Variants in SORBS2 observed in about 807,000 individuals in gnomAD.
The protein encoded by SORBS2 is sorbin and SH3 domain containing 2, also known as sorbin and SH3 domain-containing protein 2.
In SORBS2, 46 loss-of-function variants were observed where a neutral mutation model predicts 97.7. That is an observed-to-expected ratio of 0.47 (90% CI 0.37 to 0.60). The LOEUF (loss-of-function observed/expected upper bound fraction) is 0.60, where lower values mean the gene tolerates loss of function less well. Ranked by LOEUF, SORBS2 falls within the 20% of genes least tolerant of loss-of-function variation. The pLI, the probability that SORBS2 is intolerant of heterozygous loss-of-function variation, is 0.00. For missense variants in SORBS2, 1,316 were observed against 1,282.3 expected (o/e 1.03, Z -0.40); for synonymous variants, 476 against 473.4 (o/e 1.01, Z -0.07).
chr4:185,729,961 C>CT (rs371827172), intron 2 of SORBS2, among the ~76,000 whole-genome samples: 2 of 150,786 alleles, frequency 1.3e-5, no homozygotes, highest in Non-Finnish European at 3.0e-5. Flanking sequence ...TTTCTTTTTT[C>CT]TTTTTTTTTG....
At chr4:185,602,583 T>C (rs987185105) in intron 12 of SORBS2, among the ~76,000 whole-genome samples, 1 of 152,222 alleles carries the variant, frequency 6.6e-6, no homozygotes, top group Non-Finnish European at 1.5e-5. Context: ...ATGGGGTTGA[T>C]AAAAATGTTA....
intron 1 of SORBS2, among the ~76,000 whole-genome samples, chr4:185,839,257 C>T (rs542956495): frequency 6.6e-6 from 1 of 152,362 alleles, no homozygotes; most frequent in African/African-American, 2.4e-5. Context: ...CTGACTTAAC[C>T]TCAGCCGCTG....
intron 1 of SORBS2, among the ~76,000 whole-genome samples, chr4:185,904,840 C>T (rs908155921): frequency 3.9e-5 from 6 of 152,242 alleles, no homozygotes; most frequent in Non-Finnish European, 7.3e-5. Context: ...CGCAGTGGCT[C>T]ATGCCTGTAA....
chr4:185,782,778 T>C (rs1387833594), intron 1 of SORBS2, among the ~76,000 whole-genome samples: 2 of 149,468 alleles, frequency 1.3e-5, no homozygotes, highest in Admixed American at 1.3e-4. Flanking sequence ...ACAGGAGAGA[T>C]AAGGAGAGTT....
At chr4:185,806,497 G>T (rs1370143400) in intron 1 of SORBS2, among the ~76,000 whole-genome samples, 9 of 124,634 alleles carry the variant, frequency 7.2e-5, no homozygotes, top group South Asian at 2.9e-4. Context: ...TCGCTCTGTC[G>T]CCCAGGCTGG....
Position 185,653,340 on chromosome 4 carries a change from C to T in SORBS2, c.25-612G>A, listed in dbSNP as rs146392974. On this transcript the variant is annotated intron_variant, in intron 1 of 14. Coordinates refer to ENST00000418609, the Ensembl canonical transcript of SORBS2. ...TAACAGAGTGTATACAACATTTGCT[C>T]GGCTAAAATTGTAGGTTCCTTGAGA... Among the ~76,000 whole-genome samples the T allele has an allele frequency of 1.7e-4, 26 of 152,266 alleles. No homozygotes were observed. In the East Asian group the frequency reaches 3.7e-3, roughly 21 times the overall value.
chr4:185,741,349 C>T lies in SORBS2; in HGVS notation c.-198+33878G>A, dbSNP rs560718721. Among the ~76,000 whole-genome samples, 6 of 151,252 alleles carry T rather than the reference C, an allele frequency of 4.0e-5. No homozygotes were observed. In the South Asian group the frequency reaches 1.3e-3, roughly 32 times the overall value. On this transcript the variant is annotated intron_variant, in intron 2 of 20. Coordinates refer to the SORBS2 transcript ENST00000284776. ...CTGCAATTGCATTAGGAACAGAGGT[C>T]AGGCCCAAGAGCTGCCCTCTCCTCA... is the stretch of plus-strand genomic sequence containing the variant.
chr4:185,907,449 C>G (rs1465642087), intron 1 of SORBS2, among the ~76,000 whole-genome samples: 1 of 152,170 alleles, frequency 6.6e-6, no homozygotes, highest in Non-Finnish European at 1.5e-5. Context: ...TATTTACCGT[C>G]TTTATAACAT....
At chr4:185,678,401 A>G (rs1199021727) in intron 4 of SORBS2, 22 bp downstream of exon 7, 1 of 1,544,352 alleles carries the variant, frequency 6.5e-7, no homozygotes, top group Non-Finnish European at 8.7e-7. Flanking sequence ...ATAATGCAGT[A>G]GCCAAGAGTG....
chr4:185,709,304 C>CTT lies in SORBS2; in HGVS notation c.-197-30484_-197-30483dup, dbSNP rs70962587. 1.0e-4 allele frequency among the ~76,000 whole-genome samples: 10 copies of CTT among 96,774 alleles called. 1 individual carries two copies. Among genetic ancestry groups the CTT allele is most frequent in the South Asian group, 3.5e-4 (1 of 2,846 alleles). The allele number at this position is 96,774 out of a possible 152,430, so 63.5% of individuals were successfully genotyped here. On this transcript the variant is annotated intron_variant, in intron 2 of 20. Coordinates refer to the SORBS2 transcript ENST00000284776. ...GCATGAGCCGCTGTGCTGGCCAAAT[C>CTT]TTTTTTTTTTTTTTTTTTTTAGTAA...
Position 185,635,710 on chromosome 4 carries a change from A to C in SORBS2, c.397-5112T>G, listed in dbSNP as rs566159171. On this transcript the variant is annotated intron_variant, in intron 4 of 14. Coordinates refer to ENST00000418609, the Ensembl canonical transcript of SORBS2. ...CTAGTCTCTGGCCACAGAGGAATGC[A>C]AGGTAAATTAAAGAAACATTAAAGG... Among the ~76,000 whole-genome samples the C allele has an allele frequency of 3.9e-5, 6 of 152,352 alleles. No homozygotes were observed. The South Asian group carries it at 1.2e-3, about 32-fold the overall frequency.
chr4:185,774,273 T>C (rs2098988702), intron 2 of SORBS2: 1 of 152,206 alleles, frequency 6.6e-6, no homozygotes, highest in Non-Finnish European at 1.5e-5. Context: ...TGTCCTGAAG[T>C]CTGTGTTGGG....
At chr4:185,927,320 G>A (rs2149949564) in intron 1 of SORBS2, among the ~76,000 whole-genome samples, 1 of 151,826 alleles carries the variant, frequency 6.6e-6, no homozygotes, top group East Asian at 1.9e-4. Flanking sequence ...TGCAGAACAT[G>A]TAGGTTTGGT....
chr4:185,690,616 A>G lies in SORBS2; in HGVS notation c.-197-11794T>C. 1 of 1,406,504 alleles carries G rather than the reference A, an allele frequency of 7.1e-7. No individual in the cohort carries two copies. Among genetic ancestry groups the G allele is most frequent in the Non-Finnish European group, 9.7e-7 (1 of 1,027,324 alleles). 87.1% of individuals were successfully genotyped at this position (1,406,504 alleles called of 1,614,324 possible). On this transcript the variant is annotated intron_variant, in intron 2 of 20. Coordinates refer to the SORBS2 transcript ENST00000284776. ...TTATTAAAGTCTTCAGTTTTCCTGT[A>G]GGAAAAAAATGGTGCATAATTGTTC...
At chr4:185,865,457 A>T (rs2099226346) in intron 1 of SORBS2, among the ~76,000 whole-genome samples, 1 of 152,224 alleles carries the variant, frequency 6.6e-6, no homozygotes, top group Non-Finnish European at 1.5e-5. Flanking sequence ...TAAAATCAGC[A>T]GATGTATTAT....
chr4:185,640,897 T>C (rs1278318222), intron 4 of SORBS2, among the ~76,000 whole-genome samples: 2 of 152,198 alleles, frequency 1.3e-5, no homozygotes, highest in East Asian at 1.9e-4. Flanking sequence ...CACTGAATGA[T>C]ATCATTAATT....
chr4:185,915,428 C>G (rs1399961244), intron 1 of SORBS2, among the ~76,000 whole-genome samples: 1 of 152,170 alleles, frequency 6.6e-6, no homozygotes, highest in Non-Finnish European at 1.5e-5. Context: ...GAAGGTCATT[C>G]TGATGGCATG....
At chr4:185,949,039 T>A (rs372215108) in intron 1 of SORBS2, among the ~76,000 whole-genome samples, 1 of 151,910 alleles carries the variant, frequency 6.6e-6, no homozygotes, top group African/African-American at 2.4e-5. Context: ...ACAGGTGCTC[T>A]TTATCTATGT....
intron 2 of SORBS2, among the ~76,000 whole-genome samples, chr4:185,717,838 T>C (rs1347946449): frequency 6.6e-6 from 1 of 152,262 alleles, no homozygotes; most frequent in East Asian, 1.9e-4. Flanking sequence ...ATTAGCCGCA[T>C]GACCTGGGGT....
Sources: allele counts gnomAD v4.1 joint callset (sites outside exome capture counted in the v4.1 genomes callset), GRCh38; gene constraint gnomAD v4.1.1; transcripts MANE v1.5; gene names NCBI Gene and HGNC (gene_info 2026-07-23, HGNC 2026-07-21).